Variants in MTHFD1L observed in about 807,000 individuals in gnomAD.
The protein encoded by MTHFD1L is methylenetetrahydrofolate dehydrogenase (NADP+ dependent) 1 like.
Under a neutral mutation model 119.5 loss-of-function variants are expected in MTHFD1L, and 81 were observed. The observed-to-expected ratio is 0.68, with a 90% CI of 0.57 to 0.82. MTHFD1L has a LOEUF of 0.82. Ranked by LOEUF, MTHFD1L falls within the 40% of genes least tolerant of loss-of-function variation. The pLI, the probability that MTHFD1L is intolerant of heterozygous loss-of-function variation, is 0.00. For missense variants in MTHFD1L, 1,125 were observed against 1,253.4 expected (o/e 0.90, Z 1.55); for synonymous variants, 430 against 475.2 (o/e 0.90, Z 1.24).
intron 21 of MTHFD1L, among the ~76,000 whole-genome samples, chr6:151,011,249 C>A (rs1407548444): frequency 1.3e-5 from 2 of 152,214 alleles, no homozygotes; most frequent in Non-Finnish European, 2.9e-5. Context: ...ATTCTGACTT[C>A]ACTCAAAACA....
At chr6:151,014,401 C>T (rs569929968) in intron 22 of MTHFD1L, among the ~76,000 whole-genome samples, 3 of 152,348 alleles carry the variant, frequency 2.0e-5, no homozygotes, top group African/African-American at 7.2e-5. Context: ...ATGAAGCTTA[C>T]ACTTCTGTAT....
At chr6:150,968,490 G>T (rs1391025003) in intron 19 of MTHFD1L, among the ~76,000 whole-genome samples, 1 of 151,924 alleles carries the variant, frequency 6.6e-6, no homozygotes, top group African/African-American at 2.4e-5. Context: ...TTTCTTTATT[G>T]TTGTTGTTTG....
intron 4 of MTHFD1L, among the ~76,000 whole-genome samples, chr6:150,878,820 T>C (rs1455507072): frequency 6.6e-6 from 1 of 152,188 alleles, no homozygotes; most frequent in African/African-American, 2.4e-5. Context: ...TTGAGTCCTA[T>C]GGAGAAGAGC....
At chr6:150,885,393 G>A (rs1362776440) in intron 5 of MTHFD1L, among the ~76,000 whole-genome samples, 1 of 151,864 alleles carries the variant, frequency 6.6e-6, no homozygotes, top group East Asian at 1.9e-4. Context: ...TTGAGGTTTC[G>A]CCATGTTGGC....
rs1484464508 is a variant in MTHFD1L, at chr6:150,926,270, G to A, written c.1231G>A (p.Asp411Asn). The A allele has an allele frequency of 3.7e-6, 6 of 1,612,326 alleles. No homozygotes were observed. Among genetic ancestry groups the A allele is most frequent in the Non-Finnish European group, 4.2e-6 (5 of 1,178,662 alleles). ...SVLERLKDQA[D>N]GKYVLVAGIT... ...GCTAGAAAGGTTAAAGGATCAAGCA[G>A]ATGGAAAATACGTCTTAGTTGCTGG... The change falls in exon 11 of 28, where the codon GAT becomes AAT. Residue 411 changes from aspartate to asparagine, a missense_variant. This residue lies in a region of MTHFD1L where 1,058 missense variants were observed against 1,151.2 expected (regional missense o/e 0.92). Transcript: ENST00000367321. This position sits in a 1 kb window ranked among gnomAD's most constrained non-coding sequence, Gnocchi z 4.3.
chr6:151,015,303 C>T (rs1368199095), intron 23 of MTHFD1L, among the ~76,000 whole-genome samples: 1 of 143,822 alleles, frequency 7.0e-6, no homozygotes, highest in African/African-American at 2.6e-5. Context: ...TTCTTGATAA[C>T]ACCCTTAACG....
rs201830664 is a variant in MTHFD1L at position 150,936,979 on chromosome 6, G to A, written c.1393+39G>A. On this transcript the variant is annotated intron_variant, in intron 12 of 27. Coordinates refer to ENST00000367321, the MANE Select transcript of MTHFD1L (RefSeq NM_015440.5). ...CAACTAGTGTACTTTTCAGGGCAAA[G>A]TTGGGGGGAGAGAATTGTAAAAAGA... The A allele has an allele frequency of 3.1e-6, 5 of 1,601,144 alleles. No homozygotes were observed. The East Asian group carries it at 6.7e-5, about 22-fold the overall frequency.
intron 8 of MTHFD1L, among the ~76,000 whole-genome samples, chr6:150,908,551 C>T (rs1200154295): frequency 6.6e-6 from 1 of 150,678 alleles, no homozygotes; most frequent in African/African-American, 2.4e-5. Flanking sequence ...GGCTTGAACC[C>T]AGGAGGTGGA....
intron 18 of MTHFD1L, among the ~76,000 whole-genome samples, chr6:150,961,813 G>A (rs1039716113): frequency 1.3e-5 from 2 of 152,064 alleles, no homozygotes; most frequent in African/African-American, 4.8e-5. Flanking sequence ...TAAAAGTGCT[G>A]CTTTATTAAA....
At chr6:151,009,748 T>G in intron 20 of MTHFD1L, 71 bp from the exon 21 acceptor site, 1 of 1,539,120 alleles carries the variant, frequency 6.5e-7, no homozygotes, top group Non-Finnish European at 8.9e-7. Context: ...GCTCGAATCA[T>G]AGTGGTGATT....
Position 150,935,709 on chromosome 6 carries a change from A to C in MTHFD1L, c.1257-1095A>C, listed in dbSNP as rs1162983470. 5.1e-6 allele frequency: 3 copies of C among 589,606 alleles called. No individual in the cohort carries two copies. The African/African-American group carries it at 5.7e-5, about 11-fold the overall frequency. 36.5% of individuals were successfully genotyped at this position (589,606 alleles called of 1,614,324 possible). On this transcript the variant is annotated intron_variant, in intron 11 of 27. Coordinates refer to ENST00000367321, the MANE Select transcript of MTHFD1L (RefSeq NM_015440.5). ...GTTTTGTTGAACAATCAGATGCCCAACTCTGTTGCCTTGTGGAAGATGAGT... is the reference window on the plus strand; with the variant it reads ...GTTTTGTTGAACAATCAGATGCCCACCTCTGTTGCCTTGTGGAAGATGAGT...
At chr6:150,896,214 A>C (rs1282473140) in intron 7 of MTHFD1L, among the ~76,000 whole-genome samples, 3 of 152,232 alleles carry the variant, frequency 2.0e-5, no homozygotes, top group Non-Finnish European at 4.4e-5. Flanking sequence ...CTCAGATAAG[A>C]GAGACCAAGA....
At chr6:150,875,012 T>A (rs1178190848) in intron 1 of MTHFD1L, among the ~76,000 whole-genome samples, 2 of 151,840 alleles carry the variant, frequency 1.3e-5, no homozygotes, top group Non-Finnish European at 2.9e-5. Flanking sequence ...CTTCCCAAAG[T>A]GCTGGGATTA....
At chr6:150,933,121 C>T (rs1229521724) in intron 11 of MTHFD1L, among the ~76,000 whole-genome samples, 1 of 152,106 alleles carries the variant, frequency 6.6e-6, no homozygotes, top group Non-Finnish European at 1.5e-5. Context: ...TATTAGTTGG[C>T]AGAAAGCTGA....
At chr6:151,005,788 T>G (rs961896706) in intron 20 of MTHFD1L, among the ~76,000 whole-genome samples, 1 of 152,132 alleles carries the variant, frequency 6.6e-6, no homozygotes, top group Non-Finnish European at 1.5e-5. Context: ...AATAAATGAA[T>G]AAGTAAATTA....
chr6:151,074,250 A>G (rs1792275949), intron 26 of MTHFD1L, among the ~76,000 whole-genome samples: 1 of 152,240 alleles, frequency 6.6e-6, no homozygotes, highest in Non-Finnish European at 1.5e-5. Flanking sequence ...TCCTGCTGGC[A>G]GAAAGAAAAT....
intron 26 of MTHFD1L, among the ~76,000 whole-genome samples, chr6:151,055,359 C>G (rs1004553894): frequency 6.6e-6 from 1 of 152,048 alleles, no homozygotes; most frequent in African/African-American, 2.4e-5. Flanking sequence ...CTCATTAATG[C>G]CCCCAGCACC....
intron 20 of MTHFD1L, among the ~76,000 whole-genome samples, chr6:150,973,661 C>A (rs1776110778): frequency 6.6e-6 from 1 of 152,182 alleles, no homozygotes; most frequent in Non-Finnish European, 1.5e-5. Context: ...GTTATCATGG[C>A]AGAATACTTT....
intron 20 of MTHFD1L, among the ~76,000 whole-genome samples, chr6:150,981,929 A>C (rs951710284): frequency 6.6e-6 from 1 of 152,154 alleles, no homozygotes; most frequent in Non-Finnish European, 1.5e-5. Context: ...CTATAAAAAA[A>C]ATTTTTAATT....
Sources: gnomAD v4.1 joint callset for allele counts (sites outside exome capture counted in the v4.1 genomes callset) on GRCh38, gnomAD v4.1.1 for gene constraint, gnomAD v4.1.1 regional missense constraint, Gnocchi (gnomAD v3.1) non-coding constraint, MANE v1.5 for transcripts, NCBI Gene and HGNC (gene_info 2026-07-23, HGNC 2026-07-21) for gene names.